Variants in STIMATE observed in about 807,000 individuals in gnomAD.
The protein encoded by STIMATE is store-operated calcium entry regulator STIMATE.
A neutral mutation model predicts 36.7 loss-of-function variants in STIMATE; 15 were observed. That is an observed-to-expected ratio of 0.41 (90% CI 0.27 to 0.63). The LOEUF (loss-of-function observed/expected upper bound fraction) is 0.63, where lower values mean the gene tolerates loss of function less well. Ranked by LOEUF, STIMATE falls within the 20% of genes least tolerant of loss-of-function variation. The pLI is 0.32. For missense variants in STIMATE, 305 were observed against 397.3 expected (o/e 0.77, Z 1.98); for synonymous variants, 163 against 162.3 (o/e 1.00, Z -0.03).
At chr3:52,843,355 G>A (rs1158625829) in intron 6 of STIMATE, among the ~76,000 whole-genome samples, 1 of 152,072 alleles carries the variant, frequency 6.6e-6, no homozygotes, top group Non-Finnish European at 1.5e-5. Flanking sequence ...TCTTAACTTC[G>A]AGCCATTGTG....
chr3:52,859,502 CAAAAAAAAA>C lies in STIMATE; in HGVS notation c.161-4067_161-4059del, dbSNP rs34298807. The stretch of plus-strand genomic sequence containing the variant: ...AGCAACAAAGCAAGACCCATTTCTC[CAAAAAAAAA>C]AAAAAAAAAAAAAAAAAAAATTTTT... On this transcript the variant is annotated intron_variant, in intron 1 of 7. Coordinates refer to ENST00000355083, the MANE Select transcript of STIMATE (RefSeq NM_198563.5). Among the ~76,000 whole-genome samples, 17 of 15,646 alleles carry C rather than the reference CAAAAAAAAA, an allele frequency of 1.1e-3. No homozygotes were observed. In the South Asian group the frequency reaches 0.019, roughly 18 times the overall value. The allele number at this position is 15,646 out of a possible 152,430, so 10.3% of individuals were successfully genotyped here.
chr3:52,864,388 TG>T (rs1177314700), intron 1 of STIMATE, among the ~76,000 whole-genome samples: 2 of 152,168 alleles, frequency 1.3e-5, no homozygotes, highest in African/African-American at 4.8e-5. Flanking sequence ...CTGGAGCGGC[TG>T]GGATGCACGG....
rs923998732 is a variant in STIMATE, at chr3:52,838,585, G to A, written c.*1909C>T. On this transcript the variant is annotated 3_prime_UTR_variant, in exon 8 of 8. Coordinates refer to ENST00000355083, the MANE Select transcript of STIMATE (RefSeq NM_198563.5). ...AATACTGGCTACCATAGCTGTGGATGGGAGGGAGCACAAAGTCAATCCGAG... is the reference window on the plus strand; with the variant it reads ...AATACTGGCTACCATAGCTGTGGATAGGAGGGAGCACAAAGTCAATCCGAG... The A allele has an allele frequency of 2.6e-5, 4 of 152,204 alleles. No individual in the cohort carries two copies. Among genetic ancestry groups the A allele is most frequent in the Admixed American group, 2.0e-4 (3 of 15,284 alleles). 9.4% of individuals were successfully genotyped at this position (152,204 alleles called of 1,614,324 possible).
intron 1 of STIMATE, among the ~76,000 whole-genome samples, chr3:52,877,596 G>A (rs1245851734): frequency 2.0e-5 from 3 of 152,136 alleles, no homozygotes; most frequent in African/African-American, 7.2e-5. Flanking sequence ...CCTCCAGTTC[G>A]ACCTGTACAT....
In STIMATE at chr3:52,850,467, C is replaced by T. The variant is rs147786932; in HGVS notation, c.306-554G>A. 2.9e-4 allele frequency among the ~76,000 whole-genome samples: 36 copies of T among 123,210 alleles called. No individual in the cohort carries two copies. The East Asian group carries it at 8.7e-3, about 30-fold the overall frequency. 80.8% of individuals were successfully genotyped at this position (123,210 alleles called of 152,430 possible). A position where few individuals can be genotyped will look rare whatever the true frequency, so the allele number is the denominator to read the frequency against. On this transcript the variant is annotated intron_variant, in intron 3 of 7. Coordinates refer to ENST00000355083, the MANE Select transcript of STIMATE (RefSeq NM_198563.5). ...ACAAAACAAAAACCTGCCAGTGCTT[C>T]TGCCAGGCGAAGGTTCAATGGAAGA...
intron 1 of STIMATE, among the ~76,000 whole-genome samples, chr3:52,867,391 G>A (rs939467488): frequency 7.9e-5 from 12 of 152,240 alleles, no homozygotes; most frequent in Non-Finnish European, 1.6e-4. Flanking sequence ...GTCCTTGTGT[G>A]AGACGTTGGA....
chr3:52,858,159 A>G (rs1222259246), intron 1 of STIMATE, among the ~76,000 whole-genome samples: 1 of 152,204 alleles, frequency 6.6e-6, no homozygotes, highest in Non-Finnish European at 1.5e-5. Flanking sequence ...CCAGTCTGTG[A>G]TATTTGGTTA....
At chr3:52,872,024 C>T (rs757291977) in intron 1 of STIMATE, among the ~76,000 whole-genome samples, 9 of 152,160 alleles carry the variant, frequency 5.9e-5, no homozygotes, top group Non-Finnish European at 7.3e-5. Flanking sequence ...ACTCTTCTCC[C>T]GGGTCACCAA....
intron 1 of STIMATE, among the ~76,000 whole-genome samples, chr3:52,864,542 G>A (rs1701270823): frequency 6.6e-6 from 1 of 152,126 alleles, no homozygotes; most frequent in Non-Finnish European, 1.5e-5. Context: ...ATTAAATTTG[G>A]CTCCTTGTTA....
chr3:52,865,182 T>C (rs1462896511), intron 1 of STIMATE, among the ~76,000 whole-genome samples: 1 of 152,198 alleles, frequency 6.6e-6, no homozygotes, highest in Non-Finnish European at 1.5e-5. Context: ...CCTGACCTTG[T>C]GATCCACCCG....
chr3:52,847,090 T>G (rs74911718), intron 4 of STIMATE: 2 of 468,558 alleles, frequency 4.3e-6, no homozygotes, highest in African/African-American at 2.1e-5. Flanking sequence ...TTTTTTTTTT[T>G]GTAGAGACGG....
At chr3:52,843,511 C>T (rs1578798068) in intron 6 of STIMATE, among the ~76,000 whole-genome samples, 1 of 152,142 alleles carries the variant, frequency 6.6e-6, no homozygotes, top group East Asian at 1.9e-4. Context: ...CTCCCAGGCC[C>T]CTCCATCCTG....
At chr3:52,888,378 TA>T (rs973674036) in intron 1 of STIMATE, among the ~76,000 whole-genome samples, 1 of 152,158 alleles carries the variant, frequency 6.6e-6, no homozygotes, top group African/African-American at 2.4e-5. Context: ...TGGATGCACA[TA>T]AACTGAGTGC....
intron 1 of STIMATE, among the ~76,000 whole-genome samples, chr3:52,888,401 C>A (rs1701728401): frequency 6.6e-6 from 1 of 152,206 alleles, no homozygotes; most frequent in African/African-American, 2.4e-5. Context: ...GAGAGCCCTG[C>A]TCGATGTAAC....
intron 1 of STIMATE, among the ~76,000 whole-genome samples, chr3:52,856,052 C>T (rs920364668): frequency 3.9e-5 from 6 of 152,130 alleles, no homozygotes; most frequent in Non-Finnish European, 8.8e-5. Context: ...TGATGGGGGA[C>T]GGTCAAGCCA....
chr3:52,855,756 G>A (rs1022376983), intron 1 of STIMATE, among the ~76,000 whole-genome samples: 17 of 152,304 alleles, frequency 1.1e-4, no homozygotes, highest in East Asian at 3.9e-4. Context: ...AAAGCGGAAC[G>A]CAGCTGCTTC....
chr3:52,874,174 G>C (rs1224076280), intron 1 of STIMATE, among the ~76,000 whole-genome samples: 1 of 152,204 alleles, frequency 6.6e-6, no homozygotes, highest in Non-Finnish European at 1.5e-5. Flanking sequence ...TCCATCGATA[G>C]GGAAGGGGTT....
intron 1 of STIMATE, among the ~76,000 whole-genome samples, chr3:52,886,260 T>C (rs935881188): frequency 2.6e-5 from 4 of 152,164 alleles, no homozygotes; most frequent in Non-Finnish European, 4.4e-5. Context: ...CGAAGCAGCA[T>C]TGTGTGTCAA....
At chr3:52,843,675 G>A in intron 6 of STIMATE, 46 bp downstream of exon 6, 1 of 1,613,818 alleles carries the variant, frequency 6.2e-7, no homozygotes, top group South Asian at 1.1e-5. Context: ...CAGGAACCCT[G>A]CCAGACAGGG....
Sources: gnomAD v4.1 joint callset for allele counts (sites outside exome capture counted in the v4.1 genomes callset) on GRCh38, gnomAD v4.1.1 for gene constraint, MANE v1.5 for transcripts, NCBI Gene and HGNC (gene_info 2026-07-23, HGNC 2026-07-21) for gene names.